The following LARP1B variants were observed in gnomAD, a reference collection of about 807,000 sequenced individuals.
LARP1B encodes the protein La ribonucleoprotein 1B, also known as la-related protein 1B.
A neutral mutation model predicts 114.2 loss-of-function variants in LARP1B; 76 were observed. That is an observed-to-expected ratio of 0.67 (90% CI 0.55 to 0.81). The LOEUF (loss-of-function observed/expected upper bound fraction) is 0.81, where lower values mean the gene tolerates loss of function less well. Among genes scored for constraint, LARP1B ranks in the 30% least tolerant of loss-of-function variants. The pLI, the probability that LARP1B is intolerant of heterozygous loss-of-function variation, is 0.00. For synonymous variants in LARP1B, 345 were observed against 348.0 expected (o/e 0.99, Z 0.10); for missense variants, 1,014 against 1,075.8 (o/e 0.94, Z 0.80).
intron 11 of LARP1B, among the ~76,000 whole-genome samples, chr4:128,159,518 G>A (rs1737418785): frequency 6.6e-6 from 1 of 152,094 alleles, no homozygotes. Flanking sequence ...GCAAAATTGA[G>A]CAGAAGATAG....
intron 11 of LARP1B, among the ~76,000 whole-genome samples, chr4:128,147,653 A>C (rs1196075860): frequency 1.3e-5 from 2 of 152,232 alleles, no homozygotes; most frequent in Non-Finnish European, 2.9e-5. Context: ...AGTGGATTGA[A>C]GAGTACTTTT....
intron 11 of LARP1B, among the ~76,000 whole-genome samples, chr4:128,125,003 C>A (rs1789109290): frequency 6.6e-6 from 1 of 152,040 alleles, no homozygotes; most frequent in Non-Finnish European, 1.5e-5. Flanking sequence ...TTGAACTGGA[C>A]CAAAGAGTGA....
chr4:128,146,679 A>C (rs1006036321), intron 11 of LARP1B, among the ~76,000 whole-genome samples: 2 of 152,194 alleles, frequency 1.3e-5, no homozygotes, highest in Admixed American at 1.3e-4. Context: ...GACTTCCAGG[A>C]TATTGGCAGT....
Position 128,188,366 on chromosome 4 carries a change from C to T in LARP1B, c.2003+8854C>T, listed in dbSNP as rs150152632. Reference sequence around the variant, plus strand: ...CTGGGATTACAGGCATGAGCCACTGCGCCTGGCTGGGTATTTCTTTATAGT... The same window carrying T: ...CTGGGATTACAGGCATGAGCCACTGTGCCTGGCTGGGTATTTCTTTATAGT... On this transcript the variant is annotated intron_variant, in intron 15 of 19. Coordinates refer to ENST00000326639, the MANE Select transcript of LARP1B (RefSeq NM_018078.4). Among the ~76,000 whole-genome samples, 25 of 152,260 alleles carry T rather than the reference C, an allele frequency of 1.6e-4. No individual in the cohort carries two copies. In the East Asian group the frequency reaches 2.5e-3, roughly 15 times the overall value.
At chr4:128,108,385 T>A in intron 9 of LARP1B, 3 of 987,688 alleles carry the variant, frequency 3.0e-6, no homozygotes, top group South Asian at 9.4e-5. Context: ...ATTGTCATGA[T>A]GTTTCACTTG....
At position 128,162,364 on chromosome 4, in the gene LARP1B, G is replaced by C. The variant is rs377499003; in HGVS notation, c.1648+47G>C. On this transcript the variant is annotated intron_variant, in intron 12 of 19. Coordinates refer to ENST00000326639, the MANE Select transcript of LARP1B (RefSeq NM_018078.4). ...TAAGTGTCTGAATAGTATTAAAGCA[G>C]TTCTGAATTGTTTTTAAAAATTGCT... The C allele has an allele frequency of 8.0e-4, 1,194 of 1,485,118 alleles. 2 individuals carry two copies. Among genetic ancestry groups the C allele is most frequent in the Admixed American group, 2.0e-3 (92 of 45,280 alleles). 92.0% of individuals were successfully genotyped at this position (1,485,118 alleles called of 1,614,324 possible).
At chr4:128,099,649 A>G (rs190651844) in intron 8 of LARP1B, among the ~76,000 whole-genome samples, 1 of 151,992 alleles carries the variant, frequency 6.6e-6, no homozygotes, top group Non-Finnish European at 1.5e-5. Flanking sequence ...GTTGGTGGAC[A>G]TTCAGATTAT....
Position 128,082,241 on chromosome 4 carries a change from C to T in LARP1B, c.294C>T (p.Asn98=), listed in dbSNP as rs766442909. 1.2e-6 allele frequency: 2 copies of T among 1,613,276 alleles called. No homozygotes were observed. The highest frequency in any genetic ancestry group is 1.7e-6 in the Non-Finnish European group (2 of 1,179,596). The change falls in exon 5 of 20, where the codon AAC becomes AAT. Residue 98 remains asparagine, a synonymous_variant. Transcript: ENST00000326639. ...GTCAAGAAAGACCTGGATCCCGGAA[C>T]AGCTCAAGATGTCAACCTGAAGCAA... The part of the protein sequence containing the change: ...SESQERPGSR[N]SSRCQPEANK...
At chr4:128,114,829 A>G in intron 10 of LARP1B, 87 bp downstream of exon 10, 1 of 1,228,680 alleles carries the variant, frequency 8.1e-7, no homozygotes, top group South Asian at 1.6e-5. Flanking sequence ...GTACATATGT[A>G]AAATTTGGAA....
At chr4:128,120,071 T>C (rs923471068) in intron 10 of LARP1B, among the ~76,000 whole-genome samples, 4 of 152,240 alleles carry the variant, frequency 2.6e-5, no homozygotes, top group African/African-American at 4.8e-5. Flanking sequence ...TTACAACTTG[T>C]CTTTTTTTAG....
chr4:128,210,983 A>G lies in LARP1B; in HGVS notation c.*930A>G, dbSNP rs1329549044. 1 of 928,088 alleles carries G rather than the reference A, an allele frequency of 1.1e-6. No homozygotes were observed. The highest frequency in any genetic ancestry group is 1.3e-6 in the Non-Finnish European group (1 of 777,872). 57.5% of individuals were successfully genotyped at this position (928,088 alleles called of 1,614,324 possible). A position where few individuals can be genotyped will look rare whatever the true frequency, so the allele number is the denominator to read the frequency against. ...TAATTTAAAATGAATACTTAGTTTT[A>G]CCTTTTTGTTTATTTTTTGTTTAAT... On this transcript the variant is annotated 3_prime_UTR_variant, in exon 20 of 20. Transcript: ENST00000326639.
chr4:128,089,766 TC>T (rs1279963247), intron 5 of LARP1B, among the ~76,000 whole-genome samples: 9 of 151,932 alleles, frequency 5.9e-5, no homozygotes, highest in African/African-American at 2.2e-4. Context: ...AACACTGTTT[TC>T]GTTTTTCTTT....
chr4:128,074,044 G>A (rs561892560), intron 1 of LARP1B, among the ~76,000 whole-genome samples: 28 of 152,068 alleles, frequency 1.8e-4, no homozygotes, highest in South Asian at 6.2e-4. Flanking sequence ...AGGTTCAAGC[G>A]ATTCTCCTGC....
chr4:128,108,131 A>G, intron 9 of LARP1B: 1 of 1,324,516 alleles, frequency 7.5e-7, no homozygotes, highest in African/African-American at 1.5e-5. Flanking sequence ...TACTCTTTTT[A>G]TAGGAGCTGC....
chr4:128,164,399 T>C (rs1739809212), intron 12 of LARP1B, among the ~76,000 whole-genome samples: 1 of 152,114 alleles, frequency 6.6e-6, no homozygotes, highest in Admixed American at 6.6e-5. Flanking sequence ...TTGCACATCA[T>C]AGAAAGCATA....
At chr4:128,068,175 C>T (rs561295118) in intron 1 of LARP1B, among the ~76,000 whole-genome samples, 42 of 152,242 alleles carry the variant, frequency 2.8e-4, no homozygotes, top group African/African-American at 9.4e-4. Flanking sequence ...CCACTGCGCC[C>T]GGCCAATAAT....
At position 128,107,406 on chromosome 4, in the gene LARP1B, T is replaced by G. The variant is rs529250570; in HGVS notation, c.988+93T>G. 4.5e-5 allele frequency: 69 copies of G among 1,532,920 alleles called. No homozygotes were observed. The African/African-American group carries it at 8.7e-4, about 19-fold the overall frequency. 95.0% of individuals were successfully genotyped at this position (1,532,920 alleles called of 1,614,324 possible). On this transcript the variant is annotated intron_variant, in intron 9 of 19. Coordinates refer to ENST00000326639, the MANE Select transcript of LARP1B (RefSeq NM_018078.4). ...TATTTATTTTCAGTTTATTTAGATT[T>G]GATAGGAAAATTAAAGCTAACTGAA... is the stretch of plus-strand genomic sequence containing the variant.
At chr4:128,185,254 T>G (rs1309162343) in intron 15 of LARP1B, among the ~76,000 whole-genome samples, 1 of 152,160 alleles carries the variant, frequency 6.6e-6, no homozygotes, top group Non-Finnish European at 1.5e-5. Context: ...ACTTCTATTC[T>G]GTTTTCTGTA....
At chr4:128,179,240 G>A (rs1747504155) in intron 14 of LARP1B, 166 bp from the exon 15 acceptor site, 1 of 438,912 alleles carries the variant, frequency 2.3e-6, no homozygotes, top group Non-Finnish European at 4.0e-6. Flanking sequence ...ATTAAGTTTT[G>A]TAACTTGTGT....
Sources: gnomAD v4.1 joint callset for allele counts (sites outside exome capture counted in the v4.1 genomes callset) on GRCh38, gnomAD v4.1.1 for gene constraint, MANE v1.5 for transcripts, NCBI Gene and HGNC (gene_info 2026-07-23, HGNC 2026-07-21) for gene names.